Variants in CYRIB observed in about 807,000 individuals in gnomAD.
The protein encoded by CYRIB is CYFIP-related Rac1 interactor B.
Under a neutral mutation model 44.2 loss-of-function variants are expected in CYRIB, and 8 were observed. The ratio of observed to expected loss-of-function variants is 0.18; its 90% CI spans 0.11 to 0.33. The LOEUF is 0.33. Among genes scored for constraint, CYRIB ranks in the 10% least tolerant of loss-of-function variants. The pLI, the probability that CYRIB is intolerant of heterozygous loss-of-function variation, is 1.00. For missense variants in CYRIB, 185 were observed against 382.8 expected, an observed-to-expected ratio of 0.48 and a Z score of 4.31; for synonymous variants, 131 against 127.2, an observed-to-expected ratio of 1.03 and a Z score of -0.20.
chr8:129,866,928 A>G (rs914205147), intron 4 of CYRIB, among the ~76,000 whole-genome samples: 4 of 152,248 alleles, frequency 2.6e-5, no homozygotes, highest in African/African-American at 9.6e-5. Context: ...ATAGCCCAAC[A>G]TGCAAAAGGG....
intron 11 of CYRIB, chr8:129,843,979 A>G (rs1328875001): frequency 6.6e-6 from 1 of 152,238 alleles, no homozygotes; most frequent in African/African-American, 2.4e-5. Context: ...AAAAATCCAT[A>G]AAGGAATATT....
intron 2 of CYRIB, among the ~76,000 whole-genome samples, chr8:129,882,056 T>C (rs1177365670): frequency 6.6e-6 from 1 of 152,212 alleles, no homozygotes; most frequent in African/African-American, 2.4e-5. Flanking sequence ...TCCAAACATA[T>C]ATAAATTTTC....
chr8:129,933,895 AAAAG>A (rs1037267323), intron 1 of CYRIB, among the ~76,000 whole-genome samples: 2 of 141,910 alleles, frequency 1.4e-5, no homozygotes, highest in Non-Finnish European at 3.1e-5. Flanking sequence ...CACAAAAAAA[AAAAG>A]AAGAAGAAGA....
chr8:129,930,930 C>A (rs1188705446), intron 1 of CYRIB, among the ~76,000 whole-genome samples: 1 of 152,004 alleles, frequency 6.6e-6, no homozygotes, highest in African/African-American at 2.4e-5. Context: ...ATGAAGTTGA[C>A]TTCTCCATAC....
chr8:129,855,028 C>A (rs2045454051), intron 6 of CYRIB, among the ~76,000 whole-genome samples: 1 of 152,048 alleles, frequency 6.6e-6, no homozygotes, highest in African/African-American at 2.4e-5. Flanking sequence ...ATTTTAGCAA[C>A]ATTTTAATAT....
chr8:129,974,430 T>C (rs2095836534), intron 1 of CYRIB, among the ~76,000 whole-genome samples: 1 of 152,170 alleles, frequency 6.6e-6, no homozygotes, highest in African/African-American at 2.4e-5. Context: ...AATTTTGCCA[T>C]ACTTTCATGA....
chr8:129,992,787 G>A (rs971354630), intron 1 of CYRIB, among the ~76,000 whole-genome samples: 4 of 152,164 alleles, frequency 2.6e-5, no homozygotes, highest in Non-Finnish European at 5.9e-5. Flanking sequence ...AAAAGAACCC[G>A]TGAGAATTAC....
intron 9 of CYRIB, chr8:129,850,049 T>C (rs1258775214): frequency 2.0e-5 from 3 of 152,196 alleles, no homozygotes; most frequent in Non-Finnish European, 4.4e-5. Context: ...TCCAAGCACA[T>C]GGATAGTGTC....
chr8:129,992,950 C>G (rs1462196702), intron 1 of CYRIB, among the ~76,000 whole-genome samples: 2 of 152,194 alleles, frequency 1.3e-5, no homozygotes, highest in Non-Finnish European at 2.9e-5. Flanking sequence ...GAAGAGCAAC[C>G]TTTCCTCTCT....
intron 2 of CYRIB, among the ~76,000 whole-genome samples, chr8:129,886,785 A>G (rs2134373458): frequency 6.6e-6 from 1 of 152,036 alleles, no homozygotes; most frequent in Non-Finnish European, 1.5e-5. Flanking sequence ...TCATTAGCTT[A>G]AAGGGCAGCA....
intron 2 of CYRIB, among the ~76,000 whole-genome samples, chr8:129,954,032 C>A (rs2094646706): frequency 6.6e-6 from 1 of 151,992 alleles, no homozygotes; most frequent in South Asian, 2.1e-4. Flanking sequence ...AGCAAGCTTC[C>A]CTTCTAAAAT....
chr8:129,848,177 G>C (rs2041299582), intron 10 of CYRIB, among the ~76,000 whole-genome samples: 1 of 152,194 alleles, frequency 6.6e-6, no homozygotes, highest in Non-Finnish European at 1.5e-5. Flanking sequence ...ACACCTAAAA[G>C]AGTATTTTCA....
chr8:129,970,920 C>T (rs1223764442), intron 2 of CYRIB, 23 bp downstream of exon 2: 1 of 152,192 alleles, frequency 6.6e-6, no homozygotes, highest in Non-Finnish European at 1.5e-5. Context: ...TGACCATGGT[C>T]AAATTCCAGC....
chr8:129,868,163 CTT>C (rs2054892485), intron 4 of CYRIB, among the ~76,000 whole-genome samples: 1 of 152,114 alleles, frequency 6.6e-6, no homozygotes, highest in Admixed American at 6.5e-5. Context: ...GTATATTCAT[CTT>C]TTATTTGTAC....
intron 5 of CYRIB, among the ~76,000 whole-genome samples, chr8:129,861,120 T>C (rs1298908127): frequency 6.6e-6 from 1 of 152,230 alleles, no homozygotes; most frequent in Non-Finnish European, 1.5e-5. Flanking sequence ...TATATGGAAG[T>C]ACGTGTTTTA....
chr8:129,889,313 C>T (rs1248566676), intron 2 of CYRIB, among the ~76,000 whole-genome samples: 1 of 152,176 alleles, frequency 6.6e-6, no homozygotes, highest in Non-Finnish European at 1.5e-5. Context: ...ATCAAGAACT[C>T]TAATGGAAAT....
chr8:129,878,717 T>C (rs2059953532), intron 3 of CYRIB, among the ~76,000 whole-genome samples: 1 of 152,342 alleles, frequency 6.6e-6, no homozygotes, highest in African/African-American at 2.4e-5. Context: ...GACACTTACC[T>C]GCCACTCTTA....
chr8:129,920,141 A>C (rs1303397967), intron 1 of CYRIB, among the ~76,000 whole-genome samples: 2 of 151,534 alleles, frequency 1.3e-5, no homozygotes, highest in African/African-American at 4.8e-5. Flanking sequence ...TTTCATGGTC[A>C]GAGTATATAT....
chr8:130,006,607 C>CACATATATATGTATATATATAT (rs1359122569), intron 1 of CYRIB, among the ~76,000 whole-genome samples: 21 of 7,106 alleles, frequency 3.0e-3, no homozygotes, highest in South Asian at 9.3e-3. Flanking sequence ...TATATATATA[C>CACATATATATGTATATATATAT]ATATATATGT....
Sources: allele counts gnomAD v4.1 joint callset (sites outside exome capture counted in the v4.1 genomes callset), GRCh38; gene constraint gnomAD v4.1.1; transcripts MANE v1.5; gene names NCBI Gene and HGNC (gene_info 2026-07-23, HGNC 2026-07-21).